Variants in EDA observed in about 807,000 individuals in gnomAD.
The protein encoded by EDA is ectodysplasin A.
Under a neutral mutation model 23.6 loss-of-function variants are expected in EDA, and 2 were observed. The observed-to-expected ratio is 0.08, with a 90% CI of 0.03 to 0.27. The LOEUF (loss-of-function observed/expected upper bound fraction) is 0.27. Among genes scored for constraint, EDA ranks in the 10% least tolerant of loss-of-function variants. The probability of loss-of-function intolerance (pLI) is 1.00; values close to 1 mark genes in which losing one functional copy is unlikely to be tolerated. For synonymous variants in EDA, 131 were observed against 132.0 expected, an observed-to-expected ratio of 0.99 and a Z score of 0.05; for missense variants, 229 against 324.2, an observed-to-expected ratio of 0.71 and a Z score of 2.26.
At chrX:69,689,405 C>G (rs946418487) in intron 1 of EDA, among the ~76,000 whole-genome samples, 10 of 108,106 alleles carry the variant, frequency 9.3e-5, no homozygotes, top group Non-Finnish European at 1.9e-4. Flanking sequence ...AAGCGAGTCT[C>G]CTGTCTCAGC....
At position 70,035,727 on chromosome X, in the gene EDA, G is replaced by A. The variant is rs188465230; in HGVS notation, c.*118G>A. ...ATTGGTGTTGCAGCCGCAGAGAAAT[G>A]CCCCAGTGTTATTTATTCCCCAGTG... On this transcript the variant is annotated 3_prime_UTR_variant, in exon 8 of 8. Transcript: ENST00000374552. The A allele has an allele frequency of 2.1e-4, 197 of 922,384 alleles. No homozygotes were observed. Among genetic ancestry groups the A allele is most frequent in the Non-Finnish European group, 2.6e-4 (171 of 660,655 alleles). The allele number at this position is 922,384 out of a possible 1,213,427, so 76.0% of individuals were successfully genotyped here.
intron 7 of EDA, 93 bp downstream of exon 7, chrX:70,033,621 C>CCAAT (rs984521570): frequency 9.3e-7 from 1 of 1,075,371 alleles, no homozygotes; most frequent in Admixed American, 2.4e-5. Context: ...CCAAGACCAT[C>CCAAT]CAATGGCTAA....
intron 1 of EDA, among the ~76,000 whole-genome samples, chrX:69,919,743 G>C (rs1490849406): frequency 1.8e-5 from 2 of 111,812 alleles, no homozygotes; most frequent in Admixed American, 1.9e-4. Flanking sequence ...TTGTGTTTTG[G>C]ATCTCCAATA....
At chrX:69,913,269 C>G (rs143160504) in intron 1 of EDA, among the ~76,000 whole-genome samples, 31 of 112,540 alleles carry the variant, frequency 2.8e-4, no homozygotes, top group African/African-American at 9.3e-4. Flanking sequence ...ATTATTTTGT[C>G]TGCATTGAAA....
intron 1 of EDA, among the ~76,000 whole-genome samples, chrX:69,664,296 T>G (rs1472840169): frequency 2.7e-5 from 3 of 111,285 alleles, no homozygotes; most frequent in African/African-American, 6.5e-5. Context: ...TCAAGGGGCG[T>G]GTCTTTTCCA....
chrX:69,988,694 A>G (rs979118262), intron 2 of EDA, among the ~76,000 whole-genome samples: 3 of 110,394 alleles, frequency 2.7e-5, no homozygotes, highest in African/African-American at 9.9e-5. Context: ...CGTCTCTACT[A>G]AAAATACAAA....
chrX:69,789,033 C>T (rs1022916036), intron 1 of EDA, among the ~76,000 whole-genome samples: 6 of 112,246 alleles, frequency 5.3e-5, no homozygotes, highest in African/African-American at 1.3e-4. Flanking sequence ...GCGCAGTATT[C>T]GGGTGGGAGT....
chrX:69,978,318 T>TAAAAAA (rs144187734), intron 2 of EDA, among the ~76,000 whole-genome samples: 11 of 20,419 alleles, frequency 5.4e-4, no homozygotes, highest in African/African-American at 1.0e-3. Context: ...ACTCCATCTC[T>TAAAAAA]AAAAAAAAAA....
At chrX:69,701,021 A>G (rs754644662) in intron 1 of EDA, among the ~76,000 whole-genome samples, 9 of 111,386 alleles carry the variant, frequency 8.1e-5, no homozygotes, top group Non-Finnish European at 1.7e-4. Context: ...CAGGGTTTGG[A>G]GACTTGTCCA....
chrX:69,982,621 T>C (rs749128158), intron 2 of EDA, among the ~76,000 whole-genome samples: 38 of 111,972 alleles, frequency 3.4e-4, no homozygotes, highest in Middle Eastern at 4.6e-3. Context: ...CAGATTTTTT[T>C]TCTTAAAAAT....
rs1037118368 is a variant in EDA at position 69,933,575 on chromosome X, G to A, written c.397-23452G>A. Among the ~76,000 whole-genome samples the A allele has an allele frequency of 3.6e-5, 4 of 110,863 alleles. No homozygotes were observed. The South Asian group carries it at 1.6e-3, about 44-fold the overall frequency. ...GCCTGTAATCCCAGATACTCAGGAG[G>A]CTGAGGCAGGAGAATCGCTTGAACC... On this transcript the variant is annotated intron_variant, in intron 1 of 7. Coordinates refer to ENST00000374552, the MANE Select transcript of EDA (RefSeq NM_001399.5).
At chrX:69,725,875 A>T (rs774496236) in intron 1 of EDA, among the ~76,000 whole-genome samples, 2 of 112,586 alleles carry the variant, frequency 1.8e-5, no homozygotes, top group East Asian at 5.6e-4. Context: ...TCAAAATCCC[A>T]GAGAGAAAGG....
At chrX:69,988,292 A>T (rs1188637811) in intron 2 of EDA, among the ~76,000 whole-genome samples, 1 of 112,007 alleles carries the variant, frequency 8.9e-6, no homozygotes, top group Non-Finnish European at 1.9e-5. Context: ...GGGATGGTTA[A>T]TGGGTACAAA....
chrX:69,695,513 T>TTTC (rs1320972964), intron 1 of EDA, among the ~76,000 whole-genome samples: 5 of 47,868 alleles, frequency 1.0e-4, no homozygotes, highest in Admixed American at 3.9e-4. Flanking sequence ...TCCTTCTTTC[T>TTTC]TTTTTTTTTT....
At chrX:69,739,727 C>G (rs979360558) in intron 1 of EDA, among the ~76,000 whole-genome samples, 16 of 110,800 alleles carry the variant, frequency 1.4e-4, no homozygotes, top group Non-Finnish European at 2.8e-4. Flanking sequence ...TTTTTACTAG[C>G]TTAATTTCAG....
At chrX:69,744,871 G>A (rs2013569013) in intron 1 of EDA, among the ~76,000 whole-genome samples, 1 of 111,548 alleles carries the variant, frequency 9.0e-6, no homozygotes, top group South Asian at 3.8e-4. Context: ...ACGGGCACAG[G>A]CTGTTATAGA....
chrX:69,834,014 C>T (rs1447270347), intron 1 of EDA, among the ~76,000 whole-genome samples: 2 of 98,244 alleles, frequency 2.0e-5, no homozygotes, highest in Non-Finnish European at 4.0e-5. Context: ...CAAGTGTTCT[C>T]ATTATTCAAT....
chrX:69,660,608 T>A (rs1318696930), intron 1 of EDA, among the ~76,000 whole-genome samples: 1 of 110,374 alleles, frequency 9.1e-6, no homozygotes, highest in East Asian at 2.9e-4. Context: ...TTTCTGTCAT[T>A]GCGATAGTTT....
intron 1 of EDA, among the ~76,000 whole-genome samples, chrX:69,860,399 G>A (rs62605768): frequency 9.0e-6 from 1 of 110,885 alleles, no homozygotes; most frequent in South Asian, 3.8e-4. Context: ...GCTCCCTTCA[G>A]GAGCTCTTGT....
Sources: gnomAD v4.1 joint callset for allele counts (sites outside exome capture counted in the v4.1 genomes callset) on GRCh38, gnomAD v4.1.1 for gene constraint, MANE v1.5 for transcripts, NCBI Gene and HGNC (gene_info 2026-07-23, HGNC 2026-07-21) for gene names.